The following PARVA variants were observed in gnomAD, a reference collection of about 807,000 sequenced individuals.
The protein encoded by PARVA is parvin alpha, also known as alpha-parvin.
A neutral mutation model predicts 52.6 loss-of-function variants in PARVA; 25 were observed. The ratio of observed to expected loss-of-function variants is 0.48; its 90% CI spans 0.35 to 0.66. PARVA has a LOEUF of 0.66. Among genes scored for constraint, PARVA ranks in the 30% least tolerant of loss-of-function variants. The pLI is 0.01. For synonymous variants in PARVA, 185 were observed against 179.1 expected, an observed-to-expected ratio of 1.03 and a Z score of -0.26; for missense variants, 373 against 450.9, an observed-to-expected ratio of 0.83 and a Z score of 1.56.
intron 1 of PARVA, among the ~76,000 whole-genome samples, chr11:12,443,166 C>CTTTT (rs1256512220): frequency 1.6e-5 from 1 of 61,720 alleles, no homozygotes; most frequent in Non-Finnish European, 3.9e-5. Flanking sequence ...CGGCGCCCCC[C>CTTTT]TTCTTTTTTT....
intron 9 of PARVA, 28 bp from the exon 10 acceptor site, chr11:12,513,969 C>T (rs766328793): frequency 5.0e-6 from 8 of 1,605,478 alleles, no homozygotes; most frequent in Non-Finnish European, 6.8e-6. Flanking sequence ...GAGTCCCCAG[C>T]TTAGGGCCTG....
At chr11:12,472,931 C>G (rs1231135523) in intron 1 of PARVA, among the ~76,000 whole-genome samples, 1 of 152,142 alleles carries the variant, frequency 6.6e-6, no homozygotes, top group Non-Finnish European at 1.5e-5. Context: ...TACTAAGGCT[C>G]CATGTGGGGG....
At chr11:12,501,304 G>GTATATAGA (rs909093951) in intron 5 of PARVA, among the ~76,000 whole-genome samples, 5 of 151,872 alleles carry the variant, frequency 3.3e-5, no homozygotes, top group Admixed American at 3.3e-4. Context: ...ATACACATGT[G>GTATATAGA]TATATAGATA....
intron 1 of PARVA, among the ~76,000 whole-genome samples, chr11:12,438,393 A>G (rs552410095): frequency 6.6e-6 from 1 of 152,244 alleles, no homozygotes; most frequent in African/African-American, 2.4e-5. Context: ...TGAGAGAGCA[A>G]GCAAGCACAC....
chr11:12,457,590 C>T (rs1589964708), intron 1 of PARVA, among the ~76,000 whole-genome samples: 1 of 152,200 alleles, frequency 6.6e-6, no homozygotes, highest in African/African-American at 2.4e-5. Context: ...TGATGATTAA[C>T]GTCCTGGCTC....
chr11:12,482,147 A>G (rs1941095950), intron 4 of PARVA, among the ~76,000 whole-genome samples: 1 of 142,084 alleles, frequency 7.0e-6, no homozygotes, highest in Non-Finnish European at 1.5e-5. Context: ...CAAGAACGAA[A>G]CCCTGTCTCA....
At chr11:12,426,205 G>C (rs1589953118) in intron 1 of PARVA, among the ~76,000 whole-genome samples, 1 of 152,338 alleles carries the variant, frequency 6.6e-6, no homozygotes, top group East Asian at 1.9e-4. Context: ...CTGGGTGGTT[G>C]AGCAGGGCCT....
At chr11:12,483,028 C>T (rs1337605984) in intron 4 of PARVA, among the ~76,000 whole-genome samples, 1 of 152,212 alleles carries the variant, frequency 6.6e-6, no homozygotes, top group African/African-American at 2.4e-5. Context: ...GGGTGTTCTC[C>T]AATTGTGAGC....
In PARVA at chr11:12,529,567, C is replaced by G. The variant is rs61875602; in HGVS notation, c.*1642C>G. On this transcript the variant is annotated 3_prime_UTR_variant, in exon 13 of 13. Coordinates refer to ENST00000334956, the MANE Select transcript of PARVA (RefSeq NM_018222.5). ...GAAGTCTGTGACTACCTTGTCACTA[C>G]TTTAGGCCCATTCCACAAAGCCCAT... The G allele has an allele frequency of 6.6e-6, 1 of 152,210 alleles. No homozygotes were observed. Among genetic ancestry groups the G allele is most frequent in the Non-Finnish European group, 1.5e-5 (1 of 68,048 alleles). 9.4% of individuals were successfully genotyped at this position (152,210 alleles called of 1,614,324 possible).
chr11:12,376,720 G>A (rs1346091092), upstream of PARVA: 5 of 984,626 alleles, frequency 5.1e-6, no homozygotes, highest in Non-Finnish European at 6.0e-6. Flanking sequence ...GAGCCAGAGT[G>A]AGAACTTGAG....
At position 12,529,320 on chromosome 11, in the gene PARVA, A is replaced by G. The variant is rs1429363485; in HGVS notation, c.*1395A>G. 1 of 152,138 alleles carries G rather than the reference A, an allele frequency of 6.6e-6. No homozygotes were observed. The highest frequency in any genetic ancestry group is 2.4e-5 in the African/African-American group (1 of 41,416). The allele number at this position is 152,138 out of a possible 1,614,324, so 9.4% of individuals were successfully genotyped here. A position where few individuals can be genotyped will look rare whatever the true frequency, so the allele number is the denominator to read the frequency against. The stretch of plus-strand genomic sequence containing the variant: ...CCTGCTAAGTCCTGTAAGAATAGGG[A>G]AGGGCGGAGGGGGGTGGGCAGTGAC... On this transcript the variant is annotated 3_prime_UTR_variant, in exon 13 of 13. Coordinates refer to ENST00000334956, the MANE Select transcript of PARVA (RefSeq NM_018222.5).
intron 1 of PARVA, among the ~76,000 whole-genome samples, chr11:12,446,707 GTCA>G (rs1480738998): frequency 5.9e-5 from 9 of 152,298 alleles, no homozygotes; most frequent in African/African-American, 1.9e-4. Flanking sequence ...AGTAATGATT[GTCA>G]TCATGTGAAA....
chr11:12,517,487 G>A lies in PARVA; in HGVS notation c.868-123G>A, dbSNP rs1269245386. The A allele has an allele frequency of 4.4e-5, 32 of 722,462 alleles. No individual in the cohort carries two copies. The South Asian group carries it at 4.5e-4, about 10-fold the overall frequency. 44.8% of individuals were successfully genotyped at this position (722,462 alleles called of 1,614,324 possible). ...GTCTCGGGCCACTGCCCCTACCCCC[G>A]AGCTAGCAGCCTGGCTGGGGTGGTA... On this transcript the variant is annotated intron_variant, in intron 10 of 12. Transcript: ENST00000334956.
chr11:12,507,030 T>A (rs1391325231), intron 6 of PARVA, among the ~76,000 whole-genome samples: 1 of 151,516 alleles, frequency 6.6e-6, no homozygotes, highest in Admixed American at 6.6e-5. Context: ...TCCTGATTTA[T>A]CTTCACCTGG....
chr11:12,493,727 G>C (rs1306408314), intron 4 of PARVA, among the ~76,000 whole-genome samples: 1 of 152,140 alleles, frequency 6.6e-6, no homozygotes, highest in Non-Finnish European at 1.5e-5. Context: ...CAGTAAGTAA[G>C]GTGTGAAATC....
intron 1 of PARVA, among the ~76,000 whole-genome samples, chr11:12,461,293 C>T (rs1310765355): frequency 6.6e-6 from 1 of 152,176 alleles, no homozygotes; most frequent in African/African-American, 2.4e-5. Flanking sequence ...TCTACATTTC[C>T]TATGTAATTA....
intron 1 of PARVA, 57 bp from the exon 2 acceptor site, chr11:12,473,688 T>TC (rs1940963601): frequency 7.5e-7 from 1 of 1,326,210 alleles, no homozygotes; most frequent in African/African-American, 1.5e-5. Context: ...GTTACAGAGC[T>TC]CCAACCCCCT....
At chr11:12,457,455 A>C (rs1940712905) in intron 1 of PARVA, among the ~76,000 whole-genome samples, 1 of 152,212 alleles carries the variant, frequency 6.6e-6, no homozygotes. Context: ...AAAATGCTTC[A>C]CAGTCAGTGT....
intron 4 of PARVA, among the ~76,000 whole-genome samples, chr11:12,485,508 C>T (rs1328884084): frequency 1.3e-5 from 2 of 152,078 alleles, no homozygotes; most frequent in Non-Finnish European, 1.5e-5. Context: ...TGAAAATGTC[C>T]AAAACCAACC....
Sources: allele counts gnomAD v4.1 joint callset (sites outside exome capture counted in the v4.1 genomes callset), GRCh38; gene constraint gnomAD v4.1.1; transcripts MANE v1.5; gene names NCBI Gene and HGNC (gene_info 2026-07-23, HGNC 2026-07-21).